CDKAL1: variants seen among roughly 807,000 people sequenced by gnomAD.
CDKAL1 encodes the protein threonylcarbamoyladenosine tRNA methylthiotransferase.
CDKAL1 carries 32 observed loss-of-function variants against 68.2 expected under a neutral mutation model. That is an observed-to-expected ratio of 0.47 (90% confidence interval 0.35 to 0.63). The LOEUF (loss-of-function observed/expected upper bound fraction) is 0.63. Among genes scored for constraint, CDKAL1 ranks in the 30% least tolerant of loss-of-function variants. The probability of loss-of-function intolerance (pLI) is 0.00; values close to 1 mark genes in which losing one functional copy is unlikely to be tolerated. For missense variants in CDKAL1, 606 were observed against 696.7 expected (o/e 0.87, Z 1.47); for synonymous variants, 234 against 244.3 (o/e 0.96, Z 0.39).
intron 11 of CDKAL1, among the ~76,000 whole-genome samples, chr6:21,003,371 T>TATATATATATATATATATATATACAC: frequency 5.9e-4 from 29 of 49,272 alleles, no homozygotes; most frequent in East Asian, 1.7e-3. Flanking sequence ...TATATATATA[T>TATATATATATATATATATATATACAC]ACACACACAC....
At chr6:21,108,294 A>C (rs1463781871) in intron 12 of CDKAL1, 107 bp from the exon 13 acceptor site, 3 of 692,076 alleles carry the variant, frequency 4.3e-6, no homozygotes, top group South Asian at 2.0e-5. Flanking sequence ...AAAAAAAAAA[A>C]AAAACTTTAT....
At chr6:20,954,899 G>A (rs1410524002) in intron 9 of CDKAL1, among the ~76,000 whole-genome samples, 5 of 152,130 alleles carry the variant, frequency 3.3e-5, no homozygotes. Context: ...ATTTTTAATT[G>A]AATAATGAAG....
intron 6 of CDKAL1, among the ~76,000 whole-genome samples, chr6:20,745,358 A>G (rs1261819638): frequency 1.3e-5 from 2 of 152,216 alleles, no homozygotes; most frequent in Non-Finnish European, 2.9e-5. Flanking sequence ...GTGTCACAGT[A>G]ACAGTGGGAT....
chr6:20,607,410 A>G (rs1023398793), intron 4 of CDKAL1, among the ~76,000 whole-genome samples: 5 of 152,224 alleles, frequency 3.3e-5, no homozygotes, highest in Admixed American at 3.3e-4. Context: ...AGATTTTTAT[A>G]TCAGTTGGCA....
chr6:20,976,937 T>C (rs942320034), intron 10 of CDKAL1, among the ~76,000 whole-genome samples: 3 of 152,252 alleles, frequency 2.0e-5, no homozygotes, highest in African/African-American at 7.2e-5. Flanking sequence ...ATTTCAACTA[T>C]TGTGAGTAAA....
At chr6:20,621,681 G>A (rs1767196921) in intron 4 of CDKAL1, among the ~76,000 whole-genome samples, 1 of 151,090 alleles carries the variant, frequency 6.6e-6, no homozygotes, top group Admixed American at 6.6e-5. Flanking sequence ...TATTTATTTT[G>A]TTACTTAAAT....
At chr6:20,675,063 C>T (rs185622685) in intron 5 of CDKAL1, among the ~76,000 whole-genome samples, 34 of 151,430 alleles carry the variant, frequency 2.2e-4, no homozygotes, top group Non-Finnish European at 4.3e-4. Flanking sequence ...GAGTAAATTT[C>T]ATATGGTTTT....
At chr6:21,228,493 G>A (rs1205458317) in intron 15 of CDKAL1, among the ~76,000 whole-genome samples, 1 of 152,166 alleles carries the variant, frequency 6.6e-6, no homozygotes, top group African/African-American at 2.4e-5. Context: ...GCAACAATTT[G>A]TGACTCAAGT....
At chr6:21,040,067 T>C (rs1260745313) in intron 11 of CDKAL1, among the ~76,000 whole-genome samples, 1 of 152,228 alleles carries the variant, frequency 6.6e-6, no homozygotes, top group East Asian at 1.9e-4. Context: ...TGTTCACTTT[T>C]GATGCGTCTC....
At chr6:21,138,283 T>C (rs1214089654) in intron 13 of CDKAL1, among the ~76,000 whole-genome samples, 1 of 152,096 alleles carries the variant, frequency 6.6e-6, no homozygotes, top group Non-Finnish European at 1.5e-5. Flanking sequence ...GGGGGAACTA[T>C]CATTTTATAA....
chr6:21,092,432 G>A (rs992597721), intron 12 of CDKAL1, among the ~76,000 whole-genome samples: 1 of 151,674 alleles, frequency 6.6e-6, no homozygotes, highest in Admixed American at 6.6e-5. Flanking sequence ...CACTCCCCTC[G>A]ACAGGCCCTG....
At chr6:21,023,517 A>G (rs16884396) in intron 11 of CDKAL1, among the ~76,000 whole-genome samples, 10,019 of 152,244 alleles carry the variant, frequency 0.066, 1,057 homozygotes, top group African/African-American at 0.23. Context: ...CTTTAAGTAC[A>G]TAAGTCAAGC....
intron 5 of CDKAL1, among the ~76,000 whole-genome samples, chr6:20,667,559 T>C (rs765455943): frequency 1.4e-4 from 22 of 152,172 alleles, no homozygotes; most frequent in Non-Finnish European, 2.8e-4. Flanking sequence ...GCTCCGACTT[T>C]ATTAATTCAG....
intron 11 of CDKAL1, among the ~76,000 whole-genome samples, chr6:21,034,435 A>T (rs796760183): frequency 1.3e-5 from 2 of 152,156 alleles, no homozygotes; most frequent in South Asian, 2.1e-4. Context: ...GATTTTTAAT[A>T]AAAAAATTTA....
At chr6:21,045,697 T>C (rs9460590) in intron 11 of CDKAL1, among the ~76,000 whole-genome samples, 1 of 152,068 alleles carries the variant, frequency 6.6e-6, no homozygotes, top group Non-Finnish European at 1.5e-5. Context: ...CCTTTTCTAC[T>C]GTAAACTAGC....
intron 11 of CDKAL1, among the ~76,000 whole-genome samples, chr6:21,060,765 G>T (rs889818509): frequency 6.6e-6 from 1 of 151,962 alleles, no homozygotes; most frequent in African/African-American, 2.4e-5. Flanking sequence ...TTCCCCAAAA[G>T]TATTGAATAT....
At chr6:21,031,576 T>G (rs2150878832) in intron 11 of CDKAL1, among the ~76,000 whole-genome samples, 1 of 151,796 alleles carries the variant, frequency 6.6e-6, no homozygotes, top group South Asian at 2.1e-4. Flanking sequence ...GGTTTATGGT[T>G]TATCTTGAGC....
intron 13 of CDKAL1, among the ~76,000 whole-genome samples, chr6:21,158,562 G>A (rs1163153187): frequency 6.6e-6 from 1 of 152,140 alleles, no homozygotes; most frequent in Non-Finnish European, 1.5e-5. Context: ...AAGGGTTTAT[G>A]CCCCACCATT....
At chr6:20,614,160 T>C (rs1561967634) in intron 4 of CDKAL1, among the ~76,000 whole-genome samples, 1 of 152,174 alleles carries the variant, frequency 6.6e-6, no homozygotes, top group South Asian at 2.1e-4. Context: ...ATTTGGGAAA[T>C]CAACCCTTCA....
Sources: gnomAD v4.1 joint callset for allele counts (sites outside exome capture counted in the v4.1 genomes callset) on GRCh38, gnomAD v4.1.1 for gene constraint, MANE v1.5 for transcripts, NCBI Gene and HGNC (gene_info 2026-07-23, HGNC 2026-07-21) for gene names.